Variants in PCDH15 observed in about 807,000 individuals in gnomAD.
The protein encoded by PCDH15 is protocadherin related 15, also known as protocadherin-15.
A neutral mutation model predicts 178.5 loss-of-function variants in PCDH15; 129 were observed. That is an observed-to-expected ratio of 0.72 (90% CI 0.63 to 0.84). The LOEUF (loss-of-function observed/expected upper bound fraction) is 0.84. Among genes scored for constraint, PCDH15 ranks in the 40% least tolerant of loss-of-function variants. The pLI is 0.00. For synonymous variants in PCDH15, 800 were observed against 732.0 expected (o/e 1.09, Z -1.50); for missense variants, 2,230 against 2,099.9 (o/e 1.06, Z -1.21).
chr10:53,934,347 T>C (rs551023424), intron 25 of PCDH15, among the ~76,000 whole-genome samples: 2 of 152,156 alleles, frequency 1.3e-5, no homozygotes, highest in South Asian at 2.1e-4. Context: ...CACAAGACTG[T>C]GCAAGCTATA....
At chr10:54,736,057 C>T (rs762351684) in intron 1 of PCDH15, among the ~76,000 whole-genome samples, 2 of 151,870 alleles carry the variant, frequency 1.3e-5, no homozygotes, top group Admixed American at 6.6e-5. Context: ...GTCAAGATCT[C>T]GACTTTCTTT....
chr10:54,415,956 T>A (rs1954294732), intron 3 of PCDH15, among the ~76,000 whole-genome samples: 1 of 151,992 alleles, frequency 6.6e-6, no homozygotes, highest in Admixed American at 6.6e-5. Flanking sequence ...TAATATTTTT[T>A]AAAAAATCGA....
chr10:54,734,455 G>A (rs1943814392), intron 1 of PCDH15, among the ~76,000 whole-genome samples: 1 of 151,786 alleles, frequency 6.6e-6, no homozygotes, highest in African/African-American at 2.4e-5. Context: ...CATTGCTGGT[G>A]AAAATGCAAG....
At chr10:54,133,352 A>C (rs893230213) in intron 14 of PCDH15, among the ~76,000 whole-genome samples, 1 of 152,210 alleles carries the variant, frequency 6.6e-6, no homozygotes, top group Non-Finnish European at 1.5e-5. Context: ...TTCTATAAAC[A>C]TCTGGTAATA....
chr10:54,485,336 G>A (rs1007448864), intron 3 of PCDH15, among the ~76,000 whole-genome samples: 6 of 151,810 alleles, frequency 4.0e-5, no homozygotes, highest in Admixed American at 2.6e-4. Context: ...CGTCATATGG[G>A]GATCTAGCTC....
chr10:53,850,891 A>G (rs1232402140), intron 28 of PCDH15, among the ~76,000 whole-genome samples: 1 of 152,130 alleles, frequency 6.6e-6, no homozygotes, highest in Non-Finnish European at 1.5e-5. Flanking sequence ...TAGGGAGAAG[A>G]CTACATAACA....
intron 25 of PCDH15, among the ~76,000 whole-genome samples, chr10:53,910,809 G>A (rs2083033180): frequency 6.6e-6 from 1 of 152,124 alleles, no homozygotes; most frequent in Admixed American, 6.6e-5. Context: ...ACAGTGTAGA[G>A]AAGACCTTAA....
intron 1 of PCDH15, among the ~76,000 whole-genome samples, chr10:54,722,874 A>G (rs2132527976): frequency 6.6e-6 from 1 of 151,920 alleles, no homozygotes; most frequent in African/African-American, 2.4e-5. Flanking sequence ...AATGACAAAC[A>G]CTGATGAAAG....
At chr10:54,868,272 T>C (rs534122038) in intron 3 of PCDH15, among the ~76,000 whole-genome samples, 2 of 152,318 alleles carry the variant, frequency 1.3e-5, no homozygotes, top group South Asian at 4.1e-4. Flanking sequence ...TGTATGCTTT[T>C]GAATTATACC....
rs79712925 is a variant in PCDH15 at position 54,415,828 on chromosome 10, T to C, written c.158-36886A>G. ...ATAAAATGGGAAATGTTGTATGATC[T>C]CGATTGGGTAAAAGACAATTTATCT... On this transcript the variant is annotated intron_variant, in intron 3 of 37. Coordinates refer to ENST00000644397, the MANE Select transcript of PCDH15 (RefSeq NM_001384140.1). Among the ~76,000 whole-genome samples, 872 of 152,250 alleles carry C rather than the reference T, an allele frequency of 5.7e-3. 7 individuals carry two copies. Among genetic ancestry groups the C allele is most frequent in the African/African-American group, 0.02 (846 of 41,552 alleles).
intron 3 of PCDH15, among the ~76,000 whole-genome samples, chr10:54,391,257 G>A (rs1457492606): frequency 6.6e-6 from 1 of 152,158 alleles, no homozygotes; most frequent in Non-Finnish European, 1.5e-5. Context: ...TGTCATTTGA[G>A]TAATTGTGAT....
chr10:54,555,609 C>T (rs1266012538), intron 2 of PCDH15, among the ~76,000 whole-genome samples: 1 of 150,784 alleles, frequency 6.6e-6, no homozygotes, highest in Non-Finnish European at 1.5e-5. Context: ...TGGTGGCAGG[C>T]ACCTGTAATC....
At chr10:53,810,774 TAC>T in intron 36 of PCDH15, 110 bp from the exon 37 acceptor site, 1 of 976,382 alleles carries the variant, frequency 1.0e-6, no homozygotes, top group Non-Finnish European at 1.6e-6. Flanking sequence ...GACAGATATT[TAC>T]ACAGCACCTA....
At chr10:54,838,219 C>G (rs1417106170) in intron 3 of PCDH15, among the ~76,000 whole-genome samples, 1 of 152,072 alleles carries the variant, frequency 6.6e-6, no homozygotes, top group African/African-American at 2.4e-5. Flanking sequence ...TGTCCCCACC[C>G]AAATATCACC....
intron 6 of PCDH15, among the ~76,000 whole-genome samples, chr10:54,344,781 C>T (rs895678272): frequency 6.6e-6 from 1 of 151,276 alleles, no homozygotes; most frequent in Non-Finnish European, 1.5e-5. Flanking sequence ...TTCTTTGCTA[C>T]TTCCCACTTC....
At chr10:54,709,593 CATATATATATATATATACAT>C (rs1194572834) in intron 1 of PCDH15, among the ~76,000 whole-genome samples, 14 of 94,822 alleles carry the variant, frequency 1.5e-4, no homozygotes, top group African/African-American at 4.2e-4. Context: ...ACAAATAATT[CATATATATATATATATACAT>C]ATATATATAT....
chr10:55,154,694 T>A (rs147095007), intron 2 of PCDH15, among the ~76,000 whole-genome samples: 1 of 152,240 alleles, frequency 6.6e-6, no homozygotes, highest in Non-Finnish European at 1.5e-5. Context: ...TAGTGGATAA[T>A]TGGGTGGAAT....
chr10:54,262,592 C>G (rs1042079095), intron 8 of PCDH15, among the ~76,000 whole-genome samples: 2 of 152,108 alleles, frequency 1.3e-5, no homozygotes, highest in Non-Finnish European at 2.9e-5. Flanking sequence ...GAGCCCAGTC[C>G]CAACTCCCCA....
chr10:55,362,160 AAG>A, intron 2 of PCDH15, among the ~76,000 whole-genome samples: 1 of 152,148 alleles, frequency 6.6e-6, no homozygotes, highest in East Asian at 1.9e-4. Flanking sequence ...TACTTAATAA[AAG>A]AGAAAAAAAT....
Sources: gnomAD v4.1 joint callset for allele counts (sites outside exome capture counted in the v4.1 genomes callset) on GRCh38, gnomAD v4.1.1 for gene constraint, MANE v1.5 for transcripts, NCBI Gene and HGNC (gene_info 2026-07-23, HGNC 2026-07-21) for gene names.